CLSPN: variants seen among roughly 807,000 people sequenced by gnomAD.
The protein encoded by CLSPN is claspin homolog.
CLSPN carries 85 observed loss-of-function variants against 156.3 expected under a neutral mutation model. That is an observed-to-expected ratio of 0.54 (90% CI 0.46 to 0.65). The LOEUF (loss-of-function observed/expected upper bound fraction) is 0.65. CLSPN is among the 30% of genes least tolerant of loss of function. The probability of loss-of-function intolerance (pLI) is 0.00; values close to 1 mark genes in which losing one functional copy is unlikely to be tolerated. For synonymous variants in CLSPN, 534 were observed against 542.4 expected (o/e 0.98, Z 0.22); for missense variants, 1,407 against 1,554.9 (o/e 0.90, Z 1.60).
rs879289482 is a variant in CLSPN, at chr1:35,735,705, CAA to C, written c.*789_*790del. The stretch of plus-strand genomic sequence containing the variant: ...ACTGGGCAACAAAGTGAGACTATCT[CAA>C]AAAAAAAAAAAGAAATCTTTCTTTC... On this transcript the variant is annotated 3_prime_UTR_variant, in exon 25 of 25. Coordinates refer to ENST00000318121, the MANE Select transcript of CLSPN (RefSeq NM_022111.4). The C allele has an allele frequency of 4.2e-4, 317 of 746,046 alleles. No individual in the cohort carries two copies. The highest frequency in any genetic ancestry group is 4.5e-4 in the Non-Finnish European group (283 of 623,230). 46.2% of individuals were successfully genotyped at this position (746,046 alleles called of 1,614,324 possible).
At position 35,735,855 on chromosome 1, in the gene CLSPN, A is replaced by G. The variant is rs571924483; in HGVS notation, c.*641T>C. On this transcript the variant is annotated 3_prime_UTR_variant, in exon 25 of 25. Coordinates refer to ENST00000318121, the MANE Select transcript of CLSPN (RefSeq NM_022111.4). ...TACTCTTCCTCTTCCAACCACTTCT[A>G]TCAATCACAAAGAGATATTAACCCA... 3 of 985,346 alleles carry G rather than the reference A, an allele frequency of 3.0e-6. No individual in the cohort carries two copies. Among genetic ancestry groups the G allele is most frequent in the African/African-American group, 1.7e-5 (1 of 57,324 alleles). The allele number at this position is 985,346 out of a possible 1,614,324, so 61.0% of individuals were successfully genotyped here. A position where few individuals can be genotyped will look rare whatever the true frequency, so the allele number is the denominator to read the frequency against.
In CLSPN at chr1:35,749,635, C is replaced by T. The variant is rs1282374249; in HGVS notation, c.2205G>A (p.Met735Ile). ...LLLFKDSSSK[M>I]GYFPTEEKSE... ...TTTTCTTAGAGAGAATCACTTACCCCATCTTGGAAGAGCTGTCCTTAAACA... is the reference window on the plus strand; with the variant it reads ...TTTTCTTAGAGAGAATCACTTACCCTATCTTGGAAGAGCTGTCCTTAAACA... The change falls in exon 11 of 25, where the codon ATG becomes ATA. Residue 735 changes from methionine to isoleucine, a missense_variant and splice_region_variant. By Grantham distance (10) the Met-to-Ile change is conservative. Coordinates refer to ENST00000318121, the MANE Select transcript of CLSPN (RefSeq NM_022111.4). 12 of 1,613,848 alleles carry T rather than the reference C, an allele frequency of 7.4e-6. No homozygotes were observed. Among genetic ancestry groups the T allele is most frequent in the Non-Finnish European group, 1.0e-5 (12 of 1,179,878 alleles).
At chr1:35,737,305 C>T (rs774265866) in intron 23 of CLSPN, 34 bp downstream of exon 23, 1 of 1,566,540 alleles carries the variant, frequency 6.4e-7, no homozygotes, top group African/African-American at 1.4e-5. Flanking sequence ...AACCTGTAGA[C>T]TATGATGTCA....
intron 18 of CLSPN, among the ~76,000 whole-genome samples, chr1:35,741,899 G>A (rs1478539266): frequency 2.7e-5 from 4 of 150,446 alleles, no homozygotes; most frequent in African/African-American, 7.4e-5. Context: ...CTTTGAACCC[G>A]GGAGGCGGAG....
At position 35,735,539 on chromosome 1, in the gene CLSPN, C is replaced by T. The variant is rs1440542884; in HGVS notation, c.*957G>A. 5.5e-6 allele frequency: 3 copies of T among 550,248 alleles called. No individual in the cohort carries two copies. Among genetic ancestry groups the T allele is most frequent in the Non-Finnish European group, 6.9e-6 (3 of 432,968 alleles). 34.1% of individuals were successfully genotyped at this position (550,248 alleles called of 1,614,324 possible). A position where few individuals can be genotyped will look rare whatever the true frequency, so the allele number is the denominator to read the frequency against. Reference sequence around the variant, plus strand: ...CCTGGCCAACATGGTGACTCCCTGTCTCCACTAAAAATACAAAAATTAGCC... The same window carrying T: ...CCTGGCCAACATGGTGACTCCCTGTTTCCACTAAAAATACAAAAATTAGCC... On this transcript the variant is annotated 3_prime_UTR_variant, in exon 25 of 25. Coordinates refer to ENST00000318121, the MANE Select transcript of CLSPN (RefSeq NM_022111.4).
rs776771274 is a variant in CLSPN, at chr1:35,764,732, C to A, written c.134-18G>T. 2 of 1,507,072 alleles carry A rather than the reference C, an allele frequency of 1.3e-6. No homozygotes were observed. Among genetic ancestry groups the A allele is most frequent in the Admixed American group, 2.3e-5 (1 of 42,734 alleles). The allele number at this position is 1,507,072 out of a possible 1,614,324, so 93.4% of individuals were successfully genotyped here. A position where few individuals can be genotyped will look rare whatever the true frequency, so the allele number is the denominator to read the frequency against. On this transcript the variant is annotated intron_variant, in intron 2 of 24. Transcript: ENST00000318121. ...ATCTGAATCTGGAGGAAACAATTTT[C>A]TTTTAATTATACCATCATTTGATCT...
downstream of CLSPN, among the ~76,000 whole-genome samples, chr1:35,731,794 G>T (rs1641323929): frequency 6.6e-6 from 1 of 152,128 alleles, no homozygotes; most frequent in South Asian, 2.1e-4. Flanking sequence ...ATATATGGAG[G>T]TACCTTTTAC....
chr1:35,763,600 T>C (rs975939507), intron 3 of CLSPN, among the ~76,000 whole-genome samples: 2 of 152,144 alleles, frequency 1.3e-5, no homozygotes, highest in African/African-American at 4.8e-5. Flanking sequence ...TTGAGGATGG[T>C]TTTTCTAGTT....
intron 18 of CLSPN, among the ~76,000 whole-genome samples, chr1:35,742,743 C>CTTT (rs563818822): frequency 6.9e-5 from 9 of 130,582 alleles, no homozygotes; most frequent in Non-Finnish European, 1.2e-4. Context: ...AAGTGATCAA[C>CTTT]TTTTTTTTTT....
chr1:35,754,499 C>T (rs1163007677), intron 8 of CLSPN, among the ~76,000 whole-genome samples: 1 of 152,150 alleles, frequency 6.6e-6, no homozygotes, highest in African/African-American at 2.4e-5. Context: ...TGAGCACCAC[C>T]ATGCCCAGCT....
Position 35,764,370 on chromosome 1 carries a change from C to T in CLSPN, c.478G>A (p.Gly160Arg). The change falls in exon 3 of 25, where the codon GGA becomes AGA. Residue 160 changes from glycine to arginine, a missense_variant. Gly to Arg is a moderately radical substitution (Grantham distance 125, BLOSUM62 -2). Transcript: ENST00000318121. ...SSKKHIHDKE[G>R]TAGKAKVKSK... ...TTTACTTTTGCTTTTCCTGCAGTTCCTTCTTTATCATGTATGTGCTTTTTG... is the reference window on the plus strand; with the variant it reads ...TTTACTTTTGCTTTTCCTGCAGTTCTTTCTTTATCATGTATGTGCTTTTTG... 6.2e-7 allele frequency: 1 copy of T among 1,611,360 alleles called. No homozygotes were observed. The highest frequency in any genetic ancestry group is 1.1e-5 in the South Asian group (1 of 89,868).
intron 1 of CLSPN, among the ~76,000 whole-genome samples, chr1:35,766,635 G>A (rs534308385): frequency 2.0e-5 from 3 of 151,386 alleles, no homozygotes; most frequent in African/African-American, 7.3e-5. Flanking sequence ...GTAGAGATGG[G>A]GTTTCTCCAT....
downstream of CLSPN, among the ~76,000 whole-genome samples, chr1:35,728,537 T>C (rs1316620596): frequency 2.0e-5 from 3 of 152,168 alleles, no homozygotes; most frequent in African/African-American, 7.2e-5. Context: ...AGAAAGTTGA[T>C]GATAAGTTCT....
At chr1:35,764,149 C>A (rs539504674) in intron 3 of CLSPN, 117 bp downstream of exon 3, 3 of 678,864 alleles carry the variant, frequency 4.4e-6, no homozygotes, top group African/African-American at 3.6e-5. Context: ...ATTCTCAACA[C>A]AAAATAGTCA....
intron 10 of CLSPN, among the ~76,000 whole-genome samples, chr1:35,751,049 T>C (rs1014787344): frequency 6.6e-6 from 1 of 151,462 alleles, no homozygotes; most frequent in African/African-American, 2.4e-5. Context: ...TATTCAGATA[T>C]ATAATGATGA....
downstream of CLSPN, among the ~76,000 whole-genome samples, chr1:35,729,635 C>T (rs1641270234): frequency 1.3e-5 from 2 of 152,098 alleles, no homozygotes; most frequent in Non-Finnish European, 2.9e-5. Context: ...GTCTATCTCC[C>T]CAGTTCACTG....
chr1:35,723,265 A>G (rs762314726), intron 24 of CLSPN, among the ~76,000 whole-genome samples: 2 of 152,188 alleles, frequency 1.3e-5, no homozygotes, highest in Non-Finnish European at 2.9e-5. Flanking sequence ...ACCTCCAGAG[A>G]TGGCCAGTAT....
downstream of CLSPN, among the ~76,000 whole-genome samples, chr1:35,730,722 G>C (rs926833118): frequency 6.6e-6 from 1 of 151,258 alleles, no homozygotes; most frequent in African/African-American, 2.4e-5. Context: ...AATTAGCCGG[G>C]TGTGGTGGTG....
downstream of CLSPN, among the ~76,000 whole-genome samples, chr1:35,727,247 G>A (rs1226118117): frequency 2.0e-5 from 3 of 152,222 alleles, no homozygotes; most frequent in Non-Finnish European, 4.4e-5. Flanking sequence ...ATGAGCAGGA[G>A]TGGCCAGAGG....
Sources: allele counts gnomAD v4.1 joint callset (sites outside exome capture counted in the v4.1 genomes callset), GRCh38; gene constraint gnomAD v4.1.1; transcripts MANE v1.5; gene names NCBI Gene and HGNC (gene_info 2026-07-23, HGNC 2026-07-21).